The following EML5 variants were observed in gnomAD, a reference collection of about 807,000 sequenced individuals.
The protein encoded by EML5 is EMAP like 5, also known as echinoderm microtubule-associated protein-like 5.
In EML5, 120 loss-of-function variants were observed where a neutral mutation model predicts 250.0. That is an observed-to-expected ratio of 0.48 (90% confidence interval 0.41 to 0.56). EML5 has a LOEUF of 0.56. Ranked by LOEUF, EML5 falls within the 20% of genes least tolerant of loss-of-function variation. EML5 has a pLI of 0.00. For missense variants in EML5, 2,006 were observed against 2,437.6 expected, an observed-to-expected ratio of 0.82 and a Z score of 3.73; for synonymous variants, 771 against 806.5, an observed-to-expected ratio of 0.96 and a Z score of 0.75.
chr14:88,638,017 A>G (rs568169758), intron 32 of EML5, among the ~76,000 whole-genome samples: 1 of 152,330 alleles, frequency 6.6e-6, no homozygotes, highest in African/African-American at 2.4e-5. Context: ...TGAAAAATAA[A>G]GATATTAAAA....
intron 7 of EML5, among the ~76,000 whole-genome samples, chr14:88,733,439 T>C (rs1775597118): frequency 1.3e-5 from 2 of 152,262 alleles, no homozygotes; most frequent in African/African-American, 4.8e-5. Context: ...ATATCTTTAG[T>C]TGTTTTCATT....
intron 2 of EML5, among the ~76,000 whole-genome samples, chr14:88,751,753 A>C (rs1266916436): frequency 1.3e-5 from 2 of 152,202 alleles, no homozygotes; most frequent in Non-Finnish European, 2.9e-5. Flanking sequence ...GAAGCAGACA[A>C]GGAAAGACTC....
At chr14:88,639,296 A>G (rs1226382079) in intron 31 of EML5, among the ~76,000 whole-genome samples, 1 of 152,210 alleles carries the variant, frequency 6.6e-6, no homozygotes, top group African/African-American at 2.4e-5. Flanking sequence ...CTTTAAGCAG[A>G]GGCCTAAAGG....
rs369498805 is a variant in EML5 at position 88,740,583 on chromosome 14, T to C, written c.526-11A>G. The C allele has an allele frequency of 8.3e-6, 13 of 1,559,356 alleles. No individual in the cohort carries two copies. The highest frequency in any genetic ancestry group is 1.0e-5 in the Non-Finnish European group (12 of 1,154,126). The stretch of plus-strand genomic sequence containing the variant: ...ACATAAACTCCAGAACTAAAAGGTA[T>C]ATAGTATAATCAAATTACCAAAGAA... On this transcript the variant is annotated splice_polypyrimidine_tract_variant and intron_variant, in intron 4 of 43. Transcript: ENST00000554922.
At chr14:88,661,514 A>C in intron 25 of EML5, 140 bp downstream of exon 25, 1 of 733,834 alleles carries the variant, frequency 1.4e-6, no homozygotes, top group Non-Finnish European at 2.1e-6. Context: ...TATAGATATG[A>C]AACATAATTC....
chr14:88,634,629 G>A (rs2090620030), intron 32 of EML5, 140 bp from the exon 33 acceptor site: 1 of 421,946 alleles, frequency 2.4e-6, no homozygotes, highest in South Asian at 5.9e-5. Flanking sequence ...GTAAGAGAAG[G>A]CACTCATTTC....
chr14:88,687,957 G>A (rs1271065171), intron 18 of EML5, among the ~76,000 whole-genome samples: 1 of 152,114 alleles, frequency 6.6e-6, no homozygotes, highest in Non-Finnish European at 1.5e-5. Flanking sequence ...TGTAGTCACA[G>A]CTACTCAAGA....
chr14:88,709,692 G>T (rs1437043989), intron 10 of EML5, among the ~76,000 whole-genome samples: 1 of 152,084 alleles, frequency 6.6e-6, no homozygotes, highest in Non-Finnish European at 1.5e-5. Flanking sequence ...CCATGACCCA[G>T]AAATTTCACT....
intron 10 of EML5, among the ~76,000 whole-genome samples, chr14:88,706,935 G>T (rs2093326501): frequency 6.6e-6 from 1 of 152,166 alleles, no homozygotes; most frequent in African/African-American, 2.4e-5. Flanking sequence ...GTCAATCAAT[G>T]TAATGCATCA....
chr14:88,746,347 T>C, intron 2 of EML5, 64 bp from the exon 3 acceptor site: 2 of 1,331,886 alleles, frequency 1.5e-6, no homozygotes, highest in Non-Finnish European at 2.1e-6. Context: ...AGAAACTGAA[T>C]TACAAATAGC....
chr14:88,616,542 TG>T lies in EML5; in HGVS notation c.5796+183del, dbSNP rs1595175075. The T allele has an allele frequency of 3.0e-5, 19 of 628,040 alleles. No individual in the cohort carries two copies. In the East Asian group the frequency reaches 4.7e-4, roughly 16 times the overall value. The allele number at this position is 628,040 out of a possible 1,614,324, so 38.9% of individuals were successfully genotyped here. ...AGCTTTTGTAGGATGGTTCCAAAGA[TG>T]GTATTACTCGAGGGAGAGGATTTGT... is the stretch of plus-strand genomic sequence containing the variant. On this transcript the variant is annotated intron_variant, in intron 42 of 43. Coordinates refer to ENST00000554922, the MANE Select transcript of EML5 (RefSeq NM_183387.3).
At chr14:88,643,730 T>C (rs1257213779) in intron 30 of EML5, among the ~76,000 whole-genome samples, 1 of 152,204 alleles carries the variant, frequency 6.6e-6, no homozygotes, top group Non-Finnish European at 1.5e-5. Flanking sequence ...AAACAGTACA[T>C]TCATCATCGG....
At chr14:88,638,697 G>T in intron 32 of EML5, 112 bp downstream of exon 32, 1 of 930,996 alleles carries the variant, frequency 1.1e-6, no homozygotes, top group Non-Finnish European at 1.6e-6. Flanking sequence ...TGTATACATA[G>T]ATTTTGAACA....
At chr14:88,650,207 C>T (rs944616154) in intron 27 of EML5, among the ~76,000 whole-genome samples, 2 of 152,136 alleles carry the variant, frequency 1.3e-5, no homozygotes, top group Non-Finnish European at 2.9e-5. Flanking sequence ...AATCCCAGCA[C>T]TTCGGGAGGC....
chr14:88,787,631 T>C (rs886067168), intron 1 of EML5, among the ~76,000 whole-genome samples: 9 of 152,202 alleles, frequency 5.9e-5, no homozygotes. Flanking sequence ...TCTCTTAATT[T>C]TATCCCTTAA....
chr14:88,712,155 CCAAT>C (rs1263220937), intron 10 of EML5, 112 bp downstream of exon 10: 5 of 687,126 alleles, frequency 7.3e-6, no homozygotes, highest in Admixed American at 5.8e-5. Flanking sequence ...AAACCCTTCA[CCAAT>C]CAGTGTAATT....
intron 8 of EML5, among the ~76,000 whole-genome samples, chr14:88,719,260 C>G (rs2093552440): frequency 6.6e-6 from 1 of 152,150 alleles, no homozygotes; most frequent in Non-Finnish European, 1.5e-5. Flanking sequence ...TGGCTACTTC[C>G]AAGTAGTCAC....
At chr14:88,642,159 G>T (rs1477981564) in intron 31 of EML5, among the ~76,000 whole-genome samples, 1 of 152,172 alleles carries the variant, frequency 6.6e-6, no homozygotes, top group Non-Finnish European at 1.5e-5. Flanking sequence ...GAAGCTATCA[G>T]AGGAAAACCA....
intron 1 of EML5, among the ~76,000 whole-genome samples, chr14:88,768,878 T>G (rs182841893): frequency 6.6e-6 from 1 of 152,202 alleles, no homozygotes; most frequent in Admixed American, 6.5e-5. Flanking sequence ...TGGAAAGGGC[T>G]AGAGAGTAAA....
Sources: gnomAD v4.1 joint callset for allele counts (sites outside exome capture counted in the v4.1 genomes callset) on GRCh38, gnomAD v4.1.1 for gene constraint, MANE v1.5 for transcripts, NCBI Gene and HGNC (gene_info 2026-07-23, HGNC 2026-07-21) for gene names.